KDM8: variants seen among roughly 807,000 people sequenced by gnomAD.
KDM8 encodes the protein lysine demethylase 8, also known as bifunctional peptidase and arginyl-hydroxylase JMJD5.
KDM8 carries 35 observed loss-of-function variants against 46.9 expected under a neutral mutation model. The observed-to-expected ratio is 0.75, with a 90% CI of 0.57 to 0.99. The LOEUF (loss-of-function observed/expected upper bound fraction) is 0.99, where lower values mean the gene tolerates loss of function less well. KDM8 is among the 50% of genes least tolerant of loss of function. KDM8 has a pLI of 0.00. For synonymous variants in KDM8, 232 were observed against 227.7 expected (o/e 1.02, Z -0.17); for missense variants, 475 against 537.0 (o/e 0.88, Z 1.14).
chr16:27,220,119 G>C (rs1286207961), intron 6 of KDM8, among the ~76,000 whole-genome samples: 1 of 152,156 alleles, frequency 6.6e-6, no homozygotes, highest in African/African-American at 2.4e-5. Context: ...TACTGGGGAG[G>C]CTGGGGCAGG....
intron 1 of KDM8, among the ~76,000 whole-genome samples, chr16:27,205,498 A>G (rs1173572532): frequency 6.6e-6 from 1 of 152,132 alleles, no homozygotes; most frequent in Non-Finnish European, 1.5e-5. Flanking sequence ...ACATAAGCCC[A>G]CTCAAGCTGT....
Position 27,214,981 on chromosome 16 carries a change from G to C in KDM8, c.771G>C (p.Glu257Asp). The C allele has an allele frequency of 6.2e-7, 1 of 1,614,178 alleles. No homozygotes were observed. Among genetic ancestry groups the C allele is most frequent in the Non-Finnish European group, 8.5e-7 (1 of 1,180,038 alleles). ...CCCAGACCCTCATGACGGTCAACGA[G>C]TTCATCAGCAAATACATCGTGAATG... ...EWSQTLMTVNEFISKYIVNEP... is the reference protein window; with the variant it reads ...EWSQTLMTVNDFISKYIVNEP... Residue 257 changes from glutamate to aspartate, a missense_variant, in exon 4 of 8, where the codon GAG becomes GAC. Transcript: ENST00000286096.
intron 5 of KDM8, 22 bp from the exon 6 acceptor site, chr16:27,218,939 A>C: frequency 2.5e-6 from 4 of 1,613,668 alleles, no homozygotes; most frequent in Non-Finnish European, 3.4e-6. Context: ...CCCACATCTC[A>C]TGTCTGCTCT....
At chr16:27,209,987 A>G in intron 1 of KDM8, 106 bp from the exon 2 acceptor site, 1 of 1,169,774 alleles carries the variant, frequency 8.5e-7, no homozygotes, top group Non-Finnish European at 1.2e-6. Context: ...AACAGAGAAG[A>G]CTGCTGTTGA....
rs189702275 is a variant in KDM8 at position 27,217,946 on chromosome 16, G to A, written c.844-1015G>A. 1.3e-3 allele frequency among the ~76,000 whole-genome samples: 199 copies of A among 152,116 alleles called. 1 individual carries two copies. The highest frequency in any genetic ancestry group is 4.5e-3 in the African/African-American group (186 of 41,502). On this transcript the variant is annotated intron_variant, in intron 5 of 7. Transcript: ENST00000286096. The stretch of plus-strand genomic sequence containing the variant: ...GGGTTCAACCCCGGAGGTAACTGAG[G>A]TGCCTGCTAAGGGTCTGGACAGGAA...
intron 1 of KDM8, chr16:27,204,079 G>C: frequency 1.9e-6 from 3 of 1,547,226 alleles, no homozygotes; most frequent in East Asian, 2.5e-5. Flanking sequence ...CGATTCCGCC[G>C]TCAGGTCCCA....
At chr16:27,212,416 C>T (rs527709285) in intron 2 of KDM8, among the ~76,000 whole-genome samples, 15 of 152,194 alleles carry the variant, frequency 9.9e-5, no homozygotes, top group East Asian at 1.9e-4. Flanking sequence ...CAGTCACCCA[C>T]GCTGGAGTGC....
chr16:27,211,124 T>C (rs1187858041), intron 2 of KDM8: 24 of 269,950 alleles, frequency 8.9e-5, no homozygotes, highest in Middle Eastern at 8.4e-4. Context: ...TTTCTCTCTT[T>C]TTTTTTTTTT....
chr16:27,205,621 T>G (rs2083420579), intron 1 of KDM8, among the ~76,000 whole-genome samples: 1 of 152,116 alleles, frequency 6.6e-6, no homozygotes, highest in Admixed American at 6.6e-5. Flanking sequence ...CAGATCACCC[T>G]GAGGTCAGGA....
chr16:27,216,018 C>T (rs1430450970), intron 5 of KDM8, 29 bp downstream of exon 5: 1 of 1,611,958 alleles, frequency 6.2e-7, no homozygotes, highest in Admixed American at 1.7e-5. Flanking sequence ...ACCTCTGCCC[C>T]TCACCGTCTC....
Position 27,213,727 on chromosome 16 carries a change from A to G in KDM8, c.641A>G (p.His214Arg). 1 of 1,614,146 alleles carries G rather than the reference A, an allele frequency of 6.2e-7. No homozygotes were observed. The highest frequency in any genetic ancestry group is 8.5e-7 in the Non-Finnish European group (1 of 1,180,022). ...GTGATCCTGAAAGGCGTGGCTGACC[A>G]CTGGCCGTGCATGCAGAAGTGGAGG... ...RPVILKGVAD[H>R]WPCMQKWSLE... Residue 214 changes from histidine to arginine, a missense_variant, in exon 3 of 8, where the codon CAC becomes CGC. Physicochemically the swap from His to Arg is conservative, Grantham distance 29. Coordinates refer to ENST00000286096, the MANE Select transcript of KDM8 (RefSeq NM_024773.3).
In KDM8 at chr16:27,216,033, T is replaced by TC. The variant is rs769247838; in HGVS notation, c.843+48dup. 11 of 1,591,862 alleles carry TC rather than the reference T, an allele frequency of 6.9e-6. No individual in the cohort carries two copies. In the African/African-American group the frequency reaches 1.5e-4, roughly 21 times the overall value. Reference sequence around the variant, plus strand: ...ACCTCTGCCCCTCACCGTCTCACCTTCCCCTCTCCTCCCCTCCTGGGCTCA... The same window carrying TC: ...ACCTCTGCCCCTCACCGTCTCACCTTCCCCCTCTCCTCCCCTCCTGGGCTCA... On this transcript the variant is annotated intron_variant, in intron 5 of 7. Transcript: ENST00000286096.
At chr16:27,219,829 A>G (rs1440022230) in intron 6 of KDM8, among the ~76,000 whole-genome samples, 1 of 152,354 alleles carries the variant, frequency 6.6e-6, no homozygotes, top group South Asian at 2.1e-4. Flanking sequence ...GTTAACACAC[A>G]TAAAGCACTT....
In KDM8 at chr16:27,203,932, CTGTGCGCTTTAGCGGTT is replaced by C; in HGVS notation, c.-32+297_-32+313del. ...GAGGGCAGGCCCTTACGGCGGGCTGCTGTGCGCTTTAGCGGTTCTTGGCGTCGCGTTGGTGTAGGCCT... is the reference window on the plus strand; with the variant it reads ...GAGGGCAGGCCCTTACGGCGGGCTGCCTTGGCGTCGCGTTGGTGTAGGCCT... On this transcript the variant is annotated intron_variant, in intron 1 of 7. Coordinates refer to ENST00000286096, the MANE Select transcript of KDM8 (RefSeq NM_024773.3). 5.4e-6 allele frequency: 3 copies of C among 553,892 alleles called. No homozygotes were observed. The South Asian group carries it at 7.0e-5, about 13-fold the overall frequency. The allele number at this position is 553,892 out of a possible 1,614,324, so 34.3% of individuals were successfully genotyped here.
intron 7 of KDM8, 38 bp downstream of exon 7, chr16:27,220,523 C>T (rs200655829): frequency 6.2e-7 from 1 of 1,614,030 alleles, no homozygotes; most frequent in Non-Finnish European, 8.5e-7. Context: ...TGCAGGTTCT[C>T]CCCACTGCCC....
intron 1 of KDM8, among the ~76,000 whole-genome samples, chr16:27,205,272 T>G (rs905541439): frequency 1.2e-4 from 18 of 152,176 alleles, no homozygotes; most frequent in African/African-American, 4.3e-4. Flanking sequence ...TTAGTCTTAT[T>G]TATAAATCCA....
At chr16:27,205,593 G>C (rs561555261) in intron 1 of KDM8, among the ~76,000 whole-genome samples, 1 of 152,266 alleles carries the variant, frequency 6.6e-6, no homozygotes, top group South Asian at 2.1e-4. Flanking sequence ...TGTAATCTGA[G>C]CACTTTGGGA....
chr16:27,214,897 C>T lies in KDM8; in HGVS notation c.687C>T (p.Ile229=), dbSNP rs769320902. ...QKWSLEYIQE[I]AGCRTVPVEV... is the part of the protein sequence containing the mutation. ...CTAGTTTGGAGTATATCCAGGAGAT[C>T]GCTGGCTGCCGAACTGTCCCAGTGG... Residue 229 remains isoleucine (I), a synonymous_variant, in exon 4 of 8, where the codon ATC becomes ATT. Coordinates refer to ENST00000286096, the MANE Select transcript of KDM8 (RefSeq NM_024773.3). The T allele has an allele frequency of 2.4e-5, 38 of 1,614,036 alleles. No homozygotes were observed. Among genetic ancestry groups the T allele is most frequent in the South Asian group, 6.6e-5 (6 of 91,082 alleles).
intron 4 of KDM8, among the ~76,000 whole-genome samples, chr16:27,215,315 C>A (rs1416572025): frequency 6.6e-6 from 1 of 152,178 alleles, no homozygotes; most frequent in Non-Finnish European, 1.5e-5. Flanking sequence ...CATGGTGGCT[C>A]ACACCTGTAA....
Sources: gnomAD v4.1 joint callset for allele counts (sites outside exome capture counted in the v4.1 genomes callset) on GRCh38, gnomAD v4.1.1 for gene constraint, MANE v1.5 for transcripts, NCBI Gene and HGNC (gene_info 2026-07-23, HGNC 2026-07-21) for gene names.